GABRB3: variants seen among roughly 807,000 people sequenced by gnomAD.
GABRB3 encodes gamma-aminobutyric acid type A receptor subunit beta3, also known as gamma-aminobutyric acid receptor subunit beta-3.
Under a neutral mutation model 52.1 loss-of-function variants are expected in GABRB3, and 14 were observed. The ratio of observed to expected loss-of-function variants is 0.27; its 90% CI spans 0.18 to 0.42. The LOEUF (loss-of-function observed/expected upper bound fraction) is 0.42. Among genes scored for constraint, GABRB3 ranks in the 10% least tolerant of loss-of-function variants. GABRB3 has a pLI of 1.00. For synonymous variants in GABRB3, 260 were observed against 232.3 expected (o/e 1.12, Z -1.08); for missense variants, 307 against 609.1 (o/e 0.50, Z 5.22).
At chr15:26,672,708 T>A (rs1887937054) in intron 3 of GABRB3, among the ~76,000 whole-genome samples, 1 of 152,216 alleles carries the variant, frequency 6.6e-6, no homozygotes, top group African/African-American at 2.4e-5. Context: ...CTTGGCGTAA[T>A]TCTCCATGTA....
At chr15:26,773,675 G>C (rs1019142359), upstream of GABRB3, 2 of 1,574,500 alleles carry the variant, frequency 1.3e-6, no homozygotes, top group Non-Finnish European at 1.7e-6. Context: ...GGTCCCCAGG[G>C]TCCAGGAGAG....
chr15:26,708,483 G>A (rs1889178049), intron 3 of GABRB3, among the ~76,000 whole-genome samples: 1 of 152,174 alleles, frequency 6.6e-6, no homozygotes, highest in African/African-American at 2.4e-5. Context: ...TGAGGGCATA[G>A]GCAAAAGTGA....
chr15:26,561,797 G>C (rs1042439702), intron 7 of GABRB3, among the ~76,000 whole-genome samples: 3 of 152,218 alleles, frequency 2.0e-5, no homozygotes, highest in Non-Finnish European at 2.9e-5. Flanking sequence ...AAGCTTCTGA[G>C]GGAAGATGAT....
chr15:26,554,918 G>T (rs1031715295), intron 8 of GABRB3, among the ~76,000 whole-genome samples: 3 of 152,174 alleles, frequency 2.0e-5, no homozygotes, highest in African/African-American at 7.2e-5. Flanking sequence ...AGTGGCTCAC[G>T]CCTGTAATCC....
intron 3 of GABRB3, among the ~76,000 whole-genome samples, chr15:26,628,242 T>C (rs1392611756): frequency 6.6e-6 from 1 of 152,238 alleles, no homozygotes; most frequent in Non-Finnish European, 1.5e-5. Flanking sequence ...TTTACAGCAA[T>C]GGTCTGGAAC....
intron 3 of GABRB3, among the ~76,000 whole-genome samples, chr15:26,688,770 G>C (rs749338891): frequency 6.6e-6 from 1 of 152,172 alleles, no homozygotes; most frequent in Non-Finnish European, 1.5e-5. Context: ...GCTAGCCACT[G>C]ACAGCTGGCT....
intron 3 of GABRB3, among the ~76,000 whole-genome samples, chr15:26,682,384 G>T (rs573793179): frequency 6.6e-6 from 1 of 152,158 alleles, no homozygotes; most frequent in East Asian, 1.9e-4. Context: ...TGCTGGCACA[G>T]AGCACATAAA....
At chr15:26,695,559 C>T (rs1888712811) in intron 3 of GABRB3, among the ~76,000 whole-genome samples, 1 of 151,820 alleles carries the variant, frequency 6.6e-6, no homozygotes, top group African/African-American at 2.4e-5. Flanking sequence ...AATTTGTTGA[C>T]AGTAGTTCTG....
At chr15:26,730,233 T>C (rs1334901245) in intron 3 of GABRB3, among the ~76,000 whole-genome samples, 2 of 152,098 alleles carry the variant, frequency 1.3e-5, no homozygotes, top group African/African-American at 2.4e-5. Flanking sequence ...CCTGGATTAA[T>C]TGAATAAGAC....
chr15:26,548,501 A>G (rs1196347784), intron 8 of GABRB3, among the ~76,000 whole-genome samples: 2 of 152,204 alleles, frequency 1.3e-5, no homozygotes, highest in Non-Finnish European at 2.9e-5. Flanking sequence ...CTTTGAATAA[A>G]AACTATATTC....
chr15:26,631,055 G>A (rs947120586), intron 3 of GABRB3, among the ~76,000 whole-genome samples: 25 of 152,334 alleles, frequency 1.6e-4, no homozygotes, highest in East Asian at 3.9e-4. Flanking sequence ...CCACAGTGCC[G>A]CTGGGAGGCA....
At position 26,547,431 on chromosome 15, in the gene GABRB3, C is replaced by A; in HGVS notation, c.*362G>T. ...ATATTGTGTTTCACGCCCTCATTCT[C>A]AAGGCATAATATTTAGATGATACTT... On this transcript the variant is annotated 3_prime_UTR_variant, in exon 9 of 9. Coordinates refer to ENST00000311550, the MANE Select transcript of GABRB3 (RefSeq NM_000814.6). 2.3e-6 allele frequency: 1 copy of A among 444,410 alleles called. No individual in the cohort carries two copies. The highest frequency in any genetic ancestry group is 6.8e-5 in the South Asian group (1 of 14,632). The allele number at this position is 444,410 out of a possible 1,614,324, so 27.5% of individuals were successfully genotyped here. A position where few individuals can be genotyped will look rare whatever the true frequency, so the allele number is the denominator to read the frequency against.
intron 3 of GABRB3, among the ~76,000 whole-genome samples, chr15:26,688,284 T>C (rs1470367040): frequency 6.6e-6 from 1 of 152,098 alleles, no homozygotes; most frequent in Non-Finnish European, 1.5e-5. Context: ...GATGAGCAAA[T>C]GCCAGCCGTG....
At chr15:26,651,139 CTGCTAA>C (rs564597268) in intron 3 of GABRB3, among the ~76,000 whole-genome samples, 25 of 152,342 alleles carry the variant, frequency 1.6e-4, no homozygotes, top group African/African-American at 5.3e-4. Context: ...GCCAACTGAG[CTGCTAA>C]CACACTGCCA....
chr15:26,734,110 A>T (rs868598668), intron 3 of GABRB3, among the ~76,000 whole-genome samples: 8 of 144,714 alleles, frequency 5.5e-5, no homozygotes, highest in African/African-American at 2.1e-4. Flanking sequence ...CCTCAACACA[A>T]CCTCCGCCTC....
chr15:26,589,506 T>C (rs1399304864), intron 4 of GABRB3, among the ~76,000 whole-genome samples: 1 of 152,184 alleles, frequency 6.6e-6, no homozygotes, highest in Non-Finnish European at 1.5e-5. Context: ...AAAATGTCCA[T>C]TGCAAGCACT....
intron 3 of GABRB3, among the ~76,000 whole-genome samples, chr15:26,748,007 A>G (rs910578941): frequency 1.3e-4 from 17 of 132,986 alleles, no homozygotes; most frequent in Non-Finnish European, 2.6e-4. Flanking sequence ...TAGCCTGTCA[A>G]TACTGTGGAT....
chr15:26,580,515 A>C (rs1890751448), intron 5 of GABRB3, 59 bp from the exon 6 acceptor site: 1 of 1,605,912 alleles, frequency 6.2e-7, no homozygotes, highest in South Asian at 1.1e-5. Flanking sequence ...ATGCACGGCT[A>C]AATAAACTAT....
intron 7 of GABRB3, among the ~76,000 whole-genome samples, chr15:26,563,218 A>T (rs1890051583): frequency 6.6e-6 from 1 of 152,188 alleles, no homozygotes; most frequent in South Asian, 2.1e-4. Flanking sequence ...GGCTGAAGGC[A>T]CACAGGAATA....
Sources: allele counts gnomAD v4.1 joint callset (sites outside exome capture counted in the v4.1 genomes callset), GRCh38; gene constraint gnomAD v4.1.1; transcripts MANE v1.5; gene names NCBI Gene and HGNC (gene_info 2026-07-23, HGNC 2026-07-21).